Variants in ZNF695 observed in about 807,000 individuals in gnomAD.
ZNF695 encodes the protein zinc finger protein SBZF3.
A neutral mutation model predicts 11.2 loss-of-function variants in ZNF695; 11 were observed. That is an observed-to-expected ratio of 0.98 (90% confidence interval 0.62 to 1.62). ZNF695 has a LOEUF of 1.62. Among genes scored for constraint, ZNF695 ranks in the 40% most tolerant of loss-of-function variants. The pLI is 0.00. For synonymous variants in ZNF695, 190 were observed against 201.4 expected (o/e 0.94, Z 0.48); for missense variants, 559 against 590.5 (o/e 0.95, Z 0.55).
chr1:247,000,995 C>T lies in ZNF695; in HGVS notation c.4-921G>A, dbSNP rs138320079. Among the ~76,000 whole-genome samples, 1,402 of 152,164 alleles carry T rather than the reference C, an allele frequency of 9.2e-3. 15 individuals are homozygous for T. The highest frequency in any genetic ancestry group is 0.032 in the African/African-American group (1,326 of 41,520). ...ATTGCTTGAGCCCAGGAGTTCAAGG[C>T]CAGCCTAGGCAAAATAGTGAGACCC... On this transcript the variant is annotated intron_variant, in intron 1 of 3. Transcript: ENST00000339986.
chr1:246,952,886 A>C (rs1187517769), intron 5 of ZNF695, among the ~76,000 whole-genome samples: 2 of 149,974 alleles, frequency 1.3e-5, no homozygotes, highest in Admixed American at 1.3e-4. Flanking sequence ...CAAGAGTTCA[A>C]GACCAGCCTG....
intron 5 of ZNF695, among the ~76,000 whole-genome samples, chr1:246,948,571 C>T (rs953278076): frequency 6.6e-6 from 1 of 152,170 alleles, no homozygotes; most frequent in African/African-American, 2.4e-5. Flanking sequence ...TACATTCTGT[C>T]CCAGGTTCCT....
chr1:246,996,744 G>C (rs1669221670), intron 3 of ZNF695, among the ~76,000 whole-genome samples: 2 of 152,024 alleles, frequency 1.3e-5, no homozygotes, highest in Non-Finnish European at 1.5e-5. Context: ...TGAAAATCTT[G>C]GTGACATGCT....
chr1:246,948,735 A>G (rs1667799180), intron 5 of ZNF695, among the ~76,000 whole-genome samples: 1 of 152,202 alleles, frequency 6.6e-6, no homozygotes, highest in Non-Finnish European at 1.5e-5. Context: ...CTAAGAGCAA[A>G]CTTTTCAAGC....
chr1:247,004,789 C>T (rs1669488217), intron 1 of ZNF695, among the ~76,000 whole-genome samples: 1 of 152,096 alleles, frequency 6.6e-6, no homozygotes, highest in Non-Finnish European at 1.5e-5. Context: ...ATGCCAACAG[C>T]AAACAATCTG....
intron 1 of ZNF695, among the ~76,000 whole-genome samples, chr1:247,006,354 T>A (rs1205180404): frequency 6.6e-6 from 1 of 152,116 alleles, no homozygotes; most frequent in African/African-American, 2.4e-5. Context: ...GGTTCATGCC[T>A]GTAATCCCAG....
chr1:246,946,238 G>A (rs1415463312), intron 5 of ZNF695, among the ~76,000 whole-genome samples: 4 of 152,024 alleles, frequency 2.6e-5, no homozygotes, highest in Non-Finnish European at 5.9e-5. Flanking sequence ...GATTTTTCTT[G>A]AGTCTACCTA....
chr1:246,986,798 A>G lies in ZNF695; in HGVS notation c.*169T>C. On this transcript the variant is annotated 3_prime_UTR_variant, in exon 4 of 4. Coordinates refer to ENST00000339986, the MANE Select transcript of ZNF695 (RefSeq NM_020394.5). ...GGAGGTGTTGAACCGGTCTATTTGT[A>G]TTGTTCGTAGCCTAAACATTTTAGT... is the stretch of plus-strand genomic sequence containing the variant. 1.4e-6 allele frequency: 2 copies of G among 1,385,346 alleles called. No homozygotes were observed. The highest frequency in any genetic ancestry group is 1.9e-5 in the South Asian group (1 of 51,926). The allele number at this position is 1,385,346 out of a possible 1,614,324, so 85.8% of individuals were successfully genotyped here.
intron 4 of ZNF695, chr1:246,967,831 A>C (rs1392959139): frequency 3.6e-6 from 1 of 278,374 alleles, no homozygotes. Flanking sequence ...AATGCTATAC[A>C]CTTTTAAACA....
intron 4 of ZNF695, chr1:246,967,957 A>G (rs1558307427): frequency 6.0e-6 from 1 of 165,786 alleles, no homozygotes; most frequent in Non-Finnish European, 1.3e-5. Context: ...ACAATTTGAC[A>G]TGAAATTTGG....
rs1190613030 is a variant in ZNF695, at chr1:246,987,713, A to G, written c.802T>C (p.Tyr268His). The change falls in exon 4 of 4, where the codon TAC becomes CAC. Residue 268 changes from tyrosine to histidine, a missense_variant. By Grantham distance (83) the Tyr-to-His change is moderately conservative. Coordinates refer to ENST00000339986, the MANE Select transcript of ZNF695 (RefSeq NM_020394.5). ...GCTTTGCCACATTCTTCACATCTGT[A>G]GGTTTTCTTTTCAGTATGATTTTTC... ...VEKNHTEKKT[Y>H]RCEECGKAFN... The G allele has an allele frequency of 5.0e-6, 8 of 1,593,008 alleles. No individual in the cohort carries two copies. Among genetic ancestry groups the G allele is most frequent in the Non-Finnish European group, 6.8e-6 (8 of 1,172,184 alleles).
At position 246,976,610 on chromosome 1, in the gene ZNF695, C is replaced by T. The variant is rs377669759; in HGVS notation, c.391-8818G>A. The stretch of plus-strand genomic sequence containing the variant: ...GAGATCGAGACCATCCTGGCTAACA[C>T]GGTGAAACCCCGTCTCTACTAAAAA... On this transcript the variant is annotated intron_variant, in intron 4 of 5. Transcript: ENST00000487338. 5.9e-4 allele frequency among the ~76,000 whole-genome samples: 89 copies of T among 151,470 alleles called. 1 individual carries two copies. The highest frequency in any genetic ancestry group is 1.2e-3 in the African/African-American group (49 of 41,230).
chr1:246,997,390 C>T (rs934929669), intron 3 of ZNF695, among the ~76,000 whole-genome samples: 1 of 151,924 alleles, frequency 6.6e-6, no homozygotes, highest in East Asian at 1.9e-4. Flanking sequence ...GTAATCCCTG[C>T]TACTGGGGAG....
chr1:247,004,089 G>A (rs1323670260), intron 1 of ZNF695, among the ~76,000 whole-genome samples: 2 of 152,172 alleles, frequency 1.3e-5, no homozygotes, highest in South Asian at 2.1e-4. Context: ...GCAGGCATCT[G>A]TAATCCCAGC....
intron 5 of ZNF695, among the ~76,000 whole-genome samples, chr1:246,954,116 C>T (rs970149401): frequency 6.6e-6 from 1 of 152,142 alleles, no homozygotes; most frequent in Non-Finnish European, 1.5e-5. Context: ...TGTTTCTGAG[C>T]ACAGGGACAC....
At chr1:246,955,624 T>C (rs556349711) in intron 5 of ZNF695, among the ~76,000 whole-genome samples, 1 of 152,308 alleles carries the variant, frequency 6.6e-6, no homozygotes, top group African/African-American at 2.4e-5. Context: ...TTAATCTAAA[T>C]CCATTTTCTT....
chr1:246,953,351 G>A (rs1342720519), intron 5 of ZNF695, among the ~76,000 whole-genome samples: 1 of 152,150 alleles, frequency 6.6e-6, no homozygotes, highest in East Asian at 1.9e-4. Flanking sequence ...GGCCACGCCT[G>A]TAATCCCAGC....
chr1:246,994,124 A>G (rs560313920), intron 3 of ZNF695, among the ~76,000 whole-genome samples: 4 of 152,178 alleles, frequency 2.6e-5, no homozygotes, highest in Non-Finnish European at 5.9e-5. Context: ...CAAAAGCGTA[A>G]AAATAATTAT....
At chr1:246,956,020 G>A (rs1450962629) in intron 5 of ZNF695, among the ~76,000 whole-genome samples, 1 of 140,694 alleles carries the variant, frequency 7.1e-6, no homozygotes, top group Non-Finnish European at 1.5e-5. Flanking sequence ...ACAGAGTCTT[G>A]CTCTGTAACC....
Sources: gnomAD v4.1 joint callset for allele counts (sites outside exome capture counted in the v4.1 genomes callset) on GRCh38, gnomAD v4.1.1 for gene constraint, MANE v1.5 for transcripts, NCBI Gene and HGNC (gene_info 2026-07-23, HGNC 2026-07-21) for gene names.